Variants in ARMC9 observed in about 807,000 individuals in gnomAD.
ARMC9 encodes the protein lisH domain-containing protein ARMC9.
In ARMC9, 94 loss-of-function variants were observed where a neutral mutation model predicts 107.0. That is an observed-to-expected ratio of 0.88 (90% CI 0.74 to 1.04). The LOEUF (loss-of-function observed/expected upper bound fraction) is 1.04, where lower values mean the gene tolerates loss of function less well. Among genes scored for constraint, ARMC9 ranks in the 50% least tolerant of loss-of-function variants. ARMC9 has a pLI of 0.00. For missense variants in ARMC9, 942 were observed against 1,030.1 expected, an observed-to-expected ratio of 0.91 and a Z score of 1.17; for synonymous variants, 380 against 396.9, an observed-to-expected ratio of 0.96 and a Z score of 0.51.
intron 7 of ARMC9, among the ~76,000 whole-genome samples, chr2:231,229,068 G>T (rs554151407): frequency 6.6e-6 from 1 of 151,940 alleles, no homozygotes; most frequent in Non-Finnish European, 1.5e-5. Flanking sequence ...CCTTCTTTAG[G>T]GTCAATTTTA....
chr2:231,239,801 G>T (rs921346276), intron 8 of ARMC9, 142 bp from the exon 9 acceptor site: 2 of 704,572 alleles, frequency 2.8e-6, no homozygotes, highest in Non-Finnish European at 5.0e-6. Flanking sequence ...TAAAGCAAAT[G>T]ATTATTTTTC....
At chr2:231,336,528 G>C (rs1343302572) in intron 20 of ARMC9, among the ~76,000 whole-genome samples, 1 of 152,238 alleles carries the variant, frequency 6.6e-6, no homozygotes, top group African/African-American at 2.4e-5. Context: ...AGTTGAGAGA[G>C]CTGCGACCCG....
intron 19 of ARMC9, among the ~76,000 whole-genome samples, chr2:231,306,614 G>A (rs1004666438): frequency 8.5e-5 from 13 of 152,146 alleles, no homozygotes; most frequent in East Asian, 3.9e-4. Context: ...CTAGACCGGG[G>A]CATGGAACTT....
At chr2:231,225,851 G>T (rs1173482783) in intron 6 of ARMC9, among the ~76,000 whole-genome samples, 1 of 152,174 alleles carries the variant, frequency 6.6e-6, no homozygotes, top group African/African-American at 2.4e-5. Flanking sequence ...TGTACACATT[G>T]ATTGATGATT....
chr2:231,255,971 C>A lies in ARMC9; in HGVS notation c.880-615C>A. 1 of 887,478 alleles carries A rather than the reference C, an allele frequency of 1.1e-6. No individual in the cohort carries two copies. The highest frequency in any genetic ancestry group is 1.7e-6 in the Non-Finnish European group (1 of 598,946). 55.0% of individuals were successfully genotyped at this position (887,478 alleles called of 1,614,324 possible). A position where few individuals can be genotyped will look rare whatever the true frequency, so the allele number is the denominator to read the frequency against. On this transcript the variant is annotated intron_variant, in intron 9 of 24. Transcript: ENST00000611582. This position sits in a 1 kb window ranked among gnomAD's most constrained non-coding sequence, Gnocchi z 4.7. ...AGGAGAATGGCGTGAACCCGGTAGGCGGAGGTTGCGGTGAGCCAAGATTGC... is the reference window on the plus strand; with the variant it reads ...AGGAGAATGGCGTGAACCCGGTAGGAGGAGGTTGCGGTGAGCCAAGATTGC...
At chr2:231,202,270 G>T (rs1423200495) in intron 1 of ARMC9, among the ~76,000 whole-genome samples, 4 of 151,286 alleles carry the variant, frequency 2.6e-5, no homozygotes, top group African/African-American at 9.7e-5. Flanking sequence ...AAAGTGCTGG[G>T]ATTACAGGCG....
intron 11 of ARMC9, 59 bp downstream of exon 11, chr2:231,259,161 C>A: frequency 7.1e-7 from 1 of 1,402,970 alleles, no homozygotes. Context: ...GTTTTCTTGG[C>A]TGGCTACCTT....
intron 3 of ARMC9, among the ~76,000 whole-genome samples, chr2:231,210,066 G>T (rs2032603233): frequency 6.6e-6 from 1 of 152,200 alleles, no homozygotes; most frequent in East Asian, 1.9e-4. Context: ...CCCTTGAGTG[G>T]CTGGAGTTCA....
chr2:231,331,718 C>G, intron 19 of ARMC9, 75 bp from the exon 20 acceptor site: 1 of 1,305,602 alleles, frequency 7.7e-7, no homozygotes. Flanking sequence ...ATGACAGCTA[C>G]ACATTCTGGG....
At chr2:231,367,880 G>A (rs1424297456) in intron 23 of ARMC9, among the ~76,000 whole-genome samples, 2 of 151,520 alleles carry the variant, frequency 1.3e-5, no homozygotes, top group African/African-American at 4.9e-5. Flanking sequence ...CTACTCGGGA[G>A]GCTGAGTCAC....
At position 231,341,060 on chromosome 2, in the gene ARMC9, C is replaced by T. The variant is rs374133090; in HGVS notation, c.1879-3915C>T. 6.5e-4 allele frequency among the ~76,000 whole-genome samples: 99 copies of T among 152,128 alleles called. 2 individuals carry two copies. The South Asian group carries it at 0.017, about 26-fold the overall frequency. ...TCTACAGATTAATTAGCTATGGTGA[C>T]GCATGCCTGTAGTCTCAGCTACTTG... On this transcript the variant is annotated intron_variant, in intron 20 of 24. Transcript: ENST00000611582.
chr2:231,371,614 A>G lies in ARMC9; in HGVS notation c.*79A>G. On this transcript the variant is annotated 3_prime_UTR_variant, in exon 25 of 25. Coordinates refer to ENST00000611582, the MANE Select transcript of ARMC9 (RefSeq NM_001352754.2). ...TCTCAGCTGGCAGCAGCTGCCGGTG[A>G]TGGATGTGAAGGGACAGTTGTCCAC... 8.4e-7 allele frequency: 1 copy of G among 1,196,552 alleles called. No individual in the cohort carries two copies. Among genetic ancestry groups the G allele is most frequent in the Non-Finnish European group, 1.0e-6 (1 of 954,464 alleles). 74.1% of individuals were successfully genotyped at this position (1,196,552 alleles called of 1,614,324 possible). A position where few individuals can be genotyped will look rare whatever the true frequency, so the allele number is the denominator to read the frequency against.
chr2:231,327,487 T>C (rs1237780511), intron 19 of ARMC9, among the ~76,000 whole-genome samples: 1 of 152,192 alleles, frequency 6.6e-6, no homozygotes, highest in East Asian at 1.9e-4. Context: ...TCTCCGGAGA[T>C]CCATCCAGGC....
intron 20 of ARMC9, among the ~76,000 whole-genome samples, chr2:231,335,347 C>A (rs1276551610): frequency 1.3e-5 from 2 of 152,176 alleles, no homozygotes; most frequent in Non-Finnish European, 2.9e-5. Context: ...AATTTAAAAA[C>A]CAACCAGCAG....
rs1338213198 is a variant in ARMC9, at chr2:231,362,546, C to G, written c.2261+1663C>G. 6.6e-6 allele frequency among the ~76,000 whole-genome samples: 1 copy of G among 151,916 alleles called. No individual in the cohort carries two copies. Among genetic ancestry groups the G allele is most frequent in the Non-Finnish European group, 1.5e-5 (1 of 67,974 alleles). On this transcript the variant is annotated intron_variant, in intron 23 of 24. Coordinates refer to ENST00000611582, the MANE Select transcript of ARMC9 (RefSeq NM_001352754.2). The surrounding 1 kb of genome is among the most constrained non-coding windows in gnomAD (Gnocchi z 4.7). ...CCCAAGATTCTACTGAGCACAAAGACCCCTCAGGGTCCAACCCAGAGGTGC... is the reference window on the plus strand; with the variant it reads ...CCCAAGATTCTACTGAGCACAAAGAGCCCTCAGGGTCCAACCCAGAGGTGC...
chr2:231,244,561 G>C (rs1409283320), intron 9 of ARMC9, among the ~76,000 whole-genome samples: 1 of 151,970 alleles, frequency 6.6e-6, no homozygotes, highest in Non-Finnish European at 1.5e-5. Context: ...GTAGAGATGA[G>C]GTCTCACTAT....
intron 7 of ARMC9, 85 bp from the exon 8 acceptor site, chr2:231,235,139 A>C: frequency 7.2e-7 from 1 of 1,390,628 alleles, no homozygotes; most frequent in Non-Finnish European, 9.6e-7. Flanking sequence ...TCTGGCAATA[A>C]GTATGGTAGT....
intron 18 of ARMC9, among the ~76,000 whole-genome samples, chr2:231,292,048 GT>G (rs1378780461): frequency 2.6e-5 from 4 of 151,216 alleles, no homozygotes; most frequent in African/African-American, 9.7e-5. Flanking sequence ...CATGCCTGTA[GT>G]CCCAGCTACT....
intron 21 of ARMC9, among the ~76,000 whole-genome samples, chr2:231,350,906 G>C (rs902303728): frequency 1.4e-5 from 2 of 145,942 alleles, no homozygotes; most frequent in African/African-American, 5.2e-5. Flanking sequence ...TGCTATGCTT[G>C]GAGGTCCTGC....
Sources: gnomAD v4.1 joint callset for allele counts (sites outside exome capture counted in the v4.1 genomes callset) on GRCh38, gnomAD v4.1.1 for gene constraint, Gnocchi (gnomAD v3.1) non-coding constraint, MANE v1.5 for transcripts, NCBI Gene and HGNC (gene_info 2026-07-23, HGNC 2026-07-21) for gene names.